Variants in CCNE2 observed in about 807,000 individuals in gnomAD.
CCNE2 encodes the protein G1/S-specific cyclin-E2.
CCNE2 carries 18 observed loss-of-function variants against 56.8 expected under a neutral mutation model. The ratio of observed to expected loss-of-function variants is 0.32; its 90% CI spans 0.22 to 0.47. The LOEUF is 0.47. Among genes scored for constraint, CCNE2 ranks in the 20% least tolerant of loss-of-function variants. The pLI is 1.00. For synonymous variants in CCNE2, 139 were observed against 149.2 expected, an observed-to-expected ratio of 0.93 and a Z score of 0.50; for missense variants, 371 against 467.1, an observed-to-expected ratio of 0.79 and a Z score of 1.90.
At chr8:94,891,973 A>G (rs771326695) in intron 5 of CCNE2, 16 of 968,224 alleles carry the variant, frequency 1.7e-5, no homozygotes, top group Admixed American at 6.9e-5. Context: ...CTCACACGTG[A>G]TCTCTCCCTG....
chr8:94,891,744 TG>T, intron 5 of CCNE2: 1 of 921,896 alleles, frequency 1.1e-6, no homozygotes, highest in Non-Finnish European at 1.8e-6. Context: ...GACATTACAA[TG>T]GTGGAGTTGG....
chr8:94,893,712 T>C (rs1216120562), intron 4 of CCNE2, 179 bp downstream of exon 4: 2 of 632,292 alleles, frequency 3.2e-6, no homozygotes, highest in South Asian at 4.1e-5. Flanking sequence ...TCTGCAGCTG[T>C]AGTAGGATTC....
At chr8:94,895,068 T>G in intron 1 of CCNE2, 109 bp downstream of exon 1, 5 of 532,532 alleles carry the variant, frequency 9.4e-6, no homozygotes, top group Non-Finnish European at 1.2e-5. Context: ...AGTCGTCTAG[T>G]TCTCAGCCCT....
Position 94,894,202 on chromosome 8 carries a change from T to G in CCNE2, c.14+6A>C, listed in dbSNP as rs1197121564. 6.2e-7 allele frequency: 1 copy of G among 1,614,152 alleles called. No individual in the cohort carries two copies. The highest frequency in any genetic ancestry group is 8.5e-7 in the Non-Finnish European group (1 of 1,179,988). On this transcript the variant is annotated splice_donor_region_variant and intron_variant, in intron 2 of 11. Transcript: ENST00000308108. ...TGAAACATGTCTCTAAGACAGATAATGTTACCTTCGTCTTGACATTCTCTT... is the reference window on the plus strand; with the variant it reads ...TGAAACATGTCTCTAAGACAGATAAGGTTACCTTCGTCTTGACATTCTCTT...
In CCNE2 at chr8:94,881,573, A is replaced by T; in HGVS notation, c.*59T>A. 1 of 1,556,772 alleles carries T rather than the reference A, an allele frequency of 6.4e-7. No homozygotes were observed. Among genetic ancestry groups the T allele is most frequent in the South Asian group, 1.1e-5 (1 of 87,400 alleles). ...ACTTTCTGTAAAACTTTAGTAGTTC[A>T]GTGATACCAGTTCTACCCAATCTTG... On this transcript the variant is annotated 3_prime_UTR_variant, in exon 12 of 12. Coordinates refer to ENST00000308108, the MANE Select transcript of CCNE2 (RefSeq NM_057749.3).
chr8:94,889,512 G>A (rs948925820), intron 6 of CCNE2, among the ~76,000 whole-genome samples: 1 of 152,166 alleles, frequency 6.6e-6, no homozygotes, highest in Non-Finnish European at 1.5e-5. Context: ...ATGCCTTCTT[G>A]TGCCCACAAT....
At chr8:94,887,397 C>T (rs781406285) in intron 7 of CCNE2, among the ~76,000 whole-genome samples, 11 of 151,894 alleles carry the variant, frequency 7.2e-5, no homozygotes, top group Non-Finnish European at 1.3e-4. Flanking sequence ...CCCAGCTACT[C>T]GGGAGGCTTA....
At chr8:94,887,891 A>G in intron 7 of CCNE2, 36 bp downstream of exon 7, 4 of 1,454,226 alleles carry the variant, frequency 2.8e-6, no homozygotes, top group Non-Finnish European at 3.7e-6. Context: ...AAAGTTTGGG[A>G]TAAATATATC....
intron 7 of CCNE2, 61 bp downstream of exon 7, chr8:94,887,866 A>G: frequency 9.0e-7 from 1 of 1,117,104 alleles, no homozygotes; most frequent in Non-Finnish European, 1.3e-6. Flanking sequence ...TGGGATTAAT[A>G]TGTTGATTTA....
chr8:94,880,653 G>A lies in CCNE2; in HGVS notation c.*979C>T, dbSNP rs1816772908. On this transcript the variant is annotated 3_prime_UTR_variant, in exon 12 of 12. Transcript: ENST00000308108. ...CTTCCTTAAGAAAATAGAAGTTTAG[G>A]TCAAGTGTTAAGCTTTATCACTTTG... is the stretch of plus-strand genomic sequence containing the variant. The A allele has an allele frequency of 5.2e-6, 2 of 387,948 alleles. No homozygotes were observed. The highest frequency in any genetic ancestry group is 1.4e-4 in the South Asian group (1 of 6,946). 24.0% of individuals were successfully genotyped at this position (387,948 alleles called of 1,614,324 possible). A position where few individuals can be genotyped will look rare whatever the true frequency, so the allele number is the denominator to read the frequency against.
At chr8:94,890,370 T>C in intron 6 of CCNE2, 45 bp downstream of exon 6, 1 of 1,470,052 alleles carries the variant, frequency 6.8e-7, no homozygotes, top group Non-Finnish European at 9.1e-7. Context: ...CTAAATATGT[T>C]TCCATCATAC....
chr8:94,880,453 T>TA lies in CCNE2; in HGVS notation c.*1178_*1179insT. On this transcript the variant is annotated 3_prime_UTR_variant, in exon 12 of 12. Coordinates refer to ENST00000308108, the MANE Select transcript of CCNE2 (RefSeq NM_057749.3). Reference sequence around the variant, plus strand: ...TTCAAAGGGAGAAGAGATTCACATATCTGATAACAAAATAAACTAGCAATC... The same window carrying TA: ...TTCAAAGGGAGAAGAGATTCACATATACTGATAACAAAATAAACTAGCAATC... 3.0e-6 allele frequency: 1 copy of TA among 329,780 alleles called. No homozygotes were observed. 20.4% of individuals were successfully genotyped at this position (329,780 alleles called of 1,614,324 possible).
At chr8:94,885,667 T>C in intron 7 of CCNE2, 109 bp from the exon 8 acceptor site, 1 of 506,320 alleles carries the variant, frequency 2.0e-6, no homozygotes, top group East Asian at 3.3e-5. Context: ...ATCATTTAAG[T>C]AGAAAGTGCA....
chr8:94,892,884 A>C lies in CCNE2; in HGVS notation c.251T>G (p.Phe84Cys), dbSNP rs763447097. 6.6e-7 allele frequency: 1 copy of C among 1,524,590 alleles called. No individual in the cohort carries two copies. The highest frequency in any genetic ancestry group is 8.8e-7 in the Non-Finnish European group (1 of 1,131,464). The allele number at this position is 1,524,590 out of a possible 1,614,324, so 94.4% of individuals were successfully genotyped here. A position where few individuals can be genotyped will look rare whatever the true frequency, so the allele number is the denominator to read the frequency against. ...TPHKEIGTSD[F>C]SRFTNYRFKN... ...AAATCTGTAATTTGTAAATCTGGAG[A>C]AATCACTTGTTCCTATTTCTTTGTG... is the stretch of plus-strand genomic sequence containing the variant. The change falls in exon 5 of 12, where the codon TTC becomes TGC. Residue 84 changes from phenylalanine to cysteine, a missense_variant. Coordinates refer to ENST00000308108, the MANE Select transcript of CCNE2 (RefSeq NM_057749.3).
In CCNE2 at chr8:94,881,667, G is replaced by T. The variant is rs752373315; in HGVS notation, c.1180C>A (p.Pro394Thr). ...CCTGGTGGTTTTTCAGTGCTCTTCGGTGGTGTCATAATGCCTCCATTGCAC... is the reference window on the plus strand; with the variant it reads ...CCTGGTGGTTTTTCAGTGCTCTTCGTTGGTGTCATAATGCCTCCATTGCAC... The part of the protein sequence containing the change: ...PVCNGGIMTP[P>T]KSTEKPPGKH Residue 394 changes from proline (P) to threonine (T), a missense_variant, in exon 12 of 12, where the codon CCG becomes ACG. Physicochemically the swap from Pro to Thr is conservative, Grantham distance 38. Coordinates refer to ENST00000308108, the MANE Select transcript of CCNE2 (RefSeq NM_057749.3). The T allele has an allele frequency of 6.2e-7, 1 of 1,613,484 alleles. No individual in the cohort carries two copies. Among genetic ancestry groups the T allele is most frequent in the Non-Finnish European group, 8.5e-7 (1 of 1,179,786 alleles).
intron 7 of CCNE2, among the ~76,000 whole-genome samples, chr8:94,886,205 C>T (rs565237393): frequency 6.6e-6 from 1 of 152,032 alleles, no homozygotes; most frequent in Non-Finnish European, 1.5e-5. Flanking sequence ...GCTTCACTAA[C>T]TATAAATCTC....
chr8:94,883,950 T>G, intron 9 of CCNE2: 1 of 455,878 alleles, frequency 2.2e-6, no homozygotes, highest in South Asian at 1.5e-5. Context: ...ATATTACTGT[T>G]ATATACCTCT....
rs1816792991 is a variant in CCNE2, at chr8:94,881,115, ATAAAT to A, written c.*512_*516del. The stretch of plus-strand genomic sequence containing the variant: ...TAATAGCTTGCTATAGCAGCTATAG[ATAAAT>A]TAGTCACCTTATTACAAAACTAAAC... On this transcript the variant is annotated 3_prime_UTR_variant, in exon 12 of 12. Transcript: ENST00000308108. The A allele has an allele frequency of 2.5e-6, 1 of 396,626 alleles. No individual in the cohort carries two copies. Among genetic ancestry groups the A allele is most frequent in the Non-Finnish European group, 4.4e-6 (1 of 225,076 alleles). 24.6% of individuals were successfully genotyped at this position (396,626 alleles called of 1,614,324 possible). A position where few individuals can be genotyped will look rare whatever the true frequency, so the allele number is the denominator to read the frequency against.
intron 7 of CCNE2, among the ~76,000 whole-genome samples, chr8:94,885,866 G>T (rs909335143): frequency 1.3e-5 from 2 of 151,048 alleles, no homozygotes; most frequent in Non-Finnish European, 2.9e-5. Flanking sequence ...TTACAGGTGT[G>T]TGCCACTGTG....
Sources: allele counts gnomAD v4.1 joint callset (sites outside exome capture counted in the v4.1 genomes callset), GRCh38; gene constraint gnomAD v4.1.1; transcripts MANE v1.5; gene names NCBI Gene and HGNC (gene_info 2026-07-23, HGNC 2026-07-21).